SYNDIG1L: variants seen among roughly 807,000 people sequenced by gnomAD.
The protein encoded by SYNDIG1L is synapse differentiation-inducing gene protein 1-like.
A neutral mutation model predicts 20.1 loss-of-function variants in SYNDIG1L; 13 were observed. That is an observed-to-expected ratio of 0.65 (90% CI 0.42 to 1.03). The LOEUF (loss-of-function observed/expected upper bound fraction) is 1.03. SYNDIG1L is among the 50% of genes least tolerant of loss of function. The pLI, the probability that SYNDIG1L is intolerant of heterozygous loss-of-function variation, is 0.00. For synonymous variants in SYNDIG1L, 128 were observed against 129.3 expected, an observed-to-expected ratio of 0.99 and a Z score of 0.07; for missense variants, 294 against 305.1, an observed-to-expected ratio of 0.96 and a Z score of 0.27.
At chr14:74,409,031 G>A (rs980298451) in intron 2 of SYNDIG1L, among the ~76,000 whole-genome samples, 1 of 151,172 alleles carries the variant, frequency 6.6e-6, no homozygotes, top group African/African-American at 2.4e-5. Context: ...CTGGTGATGG[G>A]GCTCTGGGAA....
At chr14:74,427,257 C>A (rs907763540), upstream of SYNDIG1L, among the ~76,000 whole-genome samples, 1 of 150,636 alleles carries the variant, frequency 6.6e-6, no homozygotes, top group Admixed American at 6.7e-5. Flanking sequence ...TTCTCATTTT[C>A]TGAAGGTAAG....
At chr14:74,475,973 A>G in the SYNDIG1L span, among the ~76,000 whole-genome samples, 9 of 152,346 alleles carry the variant, frequency 5.9e-5, 1 homozygote, top group South Asian at 1.7e-3. Flanking sequence ...ACACATTAAC[A>G]GTGGTTAATG....
chr14:74,422,510 T>G (rs2086230278), intron 1 of SYNDIG1L, among the ~76,000 whole-genome samples: 1 of 152,060 alleles, frequency 6.6e-6, no homozygotes, highest in African/African-American at 2.4e-5. Flanking sequence ...CCCTCTAGGA[T>G]GCACAGATGA....
the SYNDIG1L span, among the ~76,000 whole-genome samples, chr14:74,449,517 T>A: frequency 8.1e-6 from 1 of 123,324 alleles, no homozygotes; most frequent in Admixed American, 9.5e-5. Context: ...GAGGCTGACA[T>A]GGAAGGATTG....
At chr14:74,435,190 G>T in the SYNDIG1L span, among the ~76,000 whole-genome samples, 1 of 151,302 alleles carries the variant, frequency 6.6e-6, no homozygotes, top group African/African-American at 2.4e-5. Flanking sequence ...CAAGGCTCCA[G>T]CCAAGAGTAC....
At chr14:74,408,563 C>CAAAAA (rs758108537) in intron 2 of SYNDIG1L, among the ~76,000 whole-genome samples, 2 of 66,192 alleles carry the variant, frequency 3.0e-5, no homozygotes. Flanking sequence ...GACTCCATCT[C>CAAAAA]AAAAAAAAAA....
chr14:74,460,770 T>C, the SYNDIG1L span, among the ~76,000 whole-genome samples: 4 of 152,130 alleles, frequency 2.6e-5, no homozygotes, highest in Admixed American at 2.0e-4. Flanking sequence ...CATGTATTAA[T>C]AGCTATAGCT....
At chr14:74,429,101 CTT>C (rs934238397), upstream of SYNDIG1L, among the ~76,000 whole-genome samples, 8 of 152,154 alleles carry the variant, frequency 5.3e-5, no homozygotes, top group African/African-American at 1.7e-4. Flanking sequence ...CTCCTCCCAT[CTT>C]GTCTTGATTA....
At chr14:74,445,662 A>G in the SYNDIG1L span, among the ~76,000 whole-genome samples, 1 of 152,050 alleles carries the variant, frequency 6.6e-6, no homozygotes, top group East Asian at 1.9e-4. Context: ...CTTTAAATAG[A>G]GACAGGGTTT....
At chr14:74,464,141 C>G in the SYNDIG1L span, among the ~76,000 whole-genome samples, 1 of 152,104 alleles carries the variant, frequency 6.6e-6, no homozygotes, top group Non-Finnish European at 1.5e-5. Flanking sequence ...TATACCTGCC[C>G]TGAAAGAGGC....
At chr14:74,417,406 G>A (rs1263175963) in intron 1 of SYNDIG1L, among the ~76,000 whole-genome samples, 1 of 152,224 alleles carries the variant, frequency 6.6e-6, no homozygotes, top group Non-Finnish European at 1.5e-5. Context: ...GTTAAAGAGA[G>A]GCCAAAAGGA....
upstream of SYNDIG1L, among the ~76,000 whole-genome samples, chr14:74,429,662 G>A (rs555421389): frequency 1.6e-4 from 25 of 152,350 alleles, 1 homozygote; most frequent in South Asian, 5.0e-3. Context: ...GCTAAAGGAG[G>A]GATTGTCTGG....
chr14:74,469,295 T>C, the SYNDIG1L span, among the ~76,000 whole-genome samples: 2 of 144,916 alleles, frequency 1.4e-5, no homozygotes, highest in Non-Finnish European at 3.0e-5. Flanking sequence ...CTGCATGTTC[T>C]CACTCATAGG....
chr14:74,460,945 T>TG, the SYNDIG1L span, among the ~76,000 whole-genome samples: 1 of 150,374 alleles, frequency 6.7e-6, no homozygotes, highest in Non-Finnish European at 1.5e-5. Flanking sequence ...CAACTGTGCC[T>TG]GGCTTCTTTT....
At chr14:74,407,813 G>C (rs761839747) in intron 3 of SYNDIG1L, 36 bp downstream of exon 3, 1 of 1,596,232 alleles carries the variant, frequency 6.3e-7, no homozygotes, top group East Asian at 2.2e-5. Flanking sequence ...TAGAGTGACG[G>C]GCCAGAGAAG....
At chr14:74,426,538 C>T (rs192805768), upstream of SYNDIG1L, among the ~76,000 whole-genome samples, 210 of 152,312 alleles carry the variant, frequency 1.4e-3, no homozygotes, top group African/African-American at 4.8e-3. Context: ...CCAAAGCCAG[C>T]CCTGAGTTTT....
At chr14:74,465,640 C>A in the SYNDIG1L span, among the ~76,000 whole-genome samples, 5 of 152,086 alleles carry the variant, frequency 3.3e-5, no homozygotes, top group African/African-American at 9.7e-5. Context: ...TCCATAAAGC[C>A]CTGGAGGCAA....
the SYNDIG1L span, among the ~76,000 whole-genome samples, chr14:74,432,159 G>A: frequency 7.2e-6 from 1 of 139,272 alleles, no homozygotes; most frequent in South Asian, 2.4e-4. Context: ...GTGTGTGTGT[G>A]TGTGTGTGTG....
At chr14:74,462,434 T>C in the SYNDIG1L span, among the ~76,000 whole-genome samples, 1 of 150,352 alleles carries the variant, frequency 6.7e-6, no homozygotes, top group Non-Finnish European at 1.5e-5. Flanking sequence ...CAGTGAGCTG[T>C]GATCACGCCA....
Sources: gnomAD v4.1 joint callset for allele counts (sites outside exome capture counted in the v4.1 genomes callset) on GRCh38, gnomAD v4.1.1 for gene constraint, MANE v1.5 for transcripts, NCBI Gene and HGNC (gene_info 2026-07-23, HGNC 2026-07-21) for gene names.